The following DDX60L variants were observed in gnomAD, a reference collection of about 807,000 sequenced individuals.
The protein encoded by DDX60L is DExD/H-box 60 like.
DDX60L carries 191 observed loss-of-function variants against 211.6 expected under a neutral mutation model. That is an observed-to-expected ratio of 0.90 (90% CI 0.80 to 1.02). The LOEUF (loss-of-function observed/expected upper bound fraction) is 1.02, where lower values mean the gene tolerates loss of function less well. DDX60L is among the 50% of genes least tolerant of loss of function. The pLI, the probability that DDX60L is intolerant of heterozygous loss-of-function variation, is 0.00. For synonymous variants in DDX60L, 706 were observed against 694.1 expected (o/e 1.02, Z -0.27); for missense variants, 2,007 against 1,984.1 (o/e 1.01, Z -0.22).
intron 22 of DDX60L, 57 bp downstream of exon 22, chr4:168,415,351 C>A: frequency 1.0e-6 from 1 of 999,762 alleles, no homozygotes; most frequent in South Asian, 1.8e-5. Context: ...AGTCCCTTTC[C>A]AGTTGCGATA....
intron 13 of DDX60L, among the ~76,000 whole-genome samples, chr4:168,428,754 A>G (rs1157055740): frequency 6.6e-6 from 1 of 152,212 alleles, no homozygotes; most frequent in Admixed American, 6.5e-5. Context: ...ATGAAGAATG[A>G]TCGCAAAGTA....
At chr4:168,459,712 C>T (rs13103280) in intron 5 of DDX60L, among the ~76,000 whole-genome samples, 43,762 of 146,846 alleles carry the variant, frequency 0.3, 7,980 homozygotes, top group East Asian at 0.62. Context: ...GCCAAGATCA[C>T]GCCACTGCAC....
intron 37 of DDX60L, among the ~76,000 whole-genome samples, chr4:168,359,397 T>C (rs1365780152): frequency 6.6e-6 from 1 of 152,236 alleles, no homozygotes; most frequent in African/African-American, 2.4e-5. Flanking sequence ...ATGTATTCCC[T>C]ACTTTCATTA....
intron 33 of DDX60L, among the ~76,000 whole-genome samples, chr4:168,377,341 A>T (rs997591703): frequency 2.8e-5 from 4 of 143,236 alleles, no homozygotes; most frequent in African/African-American, 1.0e-4. Context: ...TAAATAAATA[A>T]AAATATCTTC....
chr4:168,442,464 T>C (rs964859113), intron 9 of DDX60L, among the ~76,000 whole-genome samples: 2 of 152,142 alleles, frequency 1.3e-5, no homozygotes, highest in South Asian at 4.1e-4. Flanking sequence ...GCGCCCGCCA[T>C]TGCCCAGGCT....
chr4:168,443,857 T>C (rs1319948441), intron 9 of DDX60L, among the ~76,000 whole-genome samples: 1 of 150,890 alleles, frequency 6.6e-6, no homozygotes, highest in African/African-American at 2.4e-5. Context: ...AGGCCTGCCA[T>C]ACAAGAGCTC....
chr4:168,438,376 G>A (rs1753362005), intron 10 of DDX60L, among the ~76,000 whole-genome samples: 1 of 152,082 alleles, frequency 6.6e-6, no homozygotes, highest in Admixed American at 6.6e-5. Flanking sequence ...AACCACCTCA[G>A]GGCCACTTAC....
At chr4:168,359,005 GA>G (rs1413956116) in intron 37 of DDX60L, among the ~76,000 whole-genome samples, 14 of 152,190 alleles carry the variant, frequency 9.2e-5, no homozygotes, top group Middle Eastern at 6.8e-3. Flanking sequence ...CAATTCAGTG[GA>G]AAAAAATTCT....
At chr4:168,468,694 G>A (rs1413945214) in intron 4 of DDX60L, 2 of 152,010 alleles carry the variant, frequency 1.3e-5, no homozygotes, top group Non-Finnish European at 2.9e-5. Context: ...AAATAAGCAT[G>A]TATTTATTCA....
At chr4:168,454,525 T>C (rs1756244311) in intron 7 of DDX60L, among the ~76,000 whole-genome samples, 1 of 152,146 alleles carries the variant, frequency 6.6e-6, no homozygotes, top group Non-Finnish European at 1.5e-5. Context: ...ATGTTACCTA[T>C]TATTAGCTAG....
Position 168,430,559 on chromosome 4 carries a change from T to C in DDX60L, c.1596A>G (p.Glu532=). 2 of 1,608,664 alleles carry C rather than the reference T, an allele frequency of 1.2e-6. No homozygotes were observed. Among genetic ancestry groups the C allele is most frequent in the Non-Finnish European group, 1.7e-6 (2 of 1,177,508 alleles). The change falls in exon 13 of 38, where the codon GAA becomes GAG. Residue 532 remains glutamate (E), a synonymous_variant. Transcript: ENST00000682922. ...DYQQFYGKSL[E]SISTKVIVTQ... The stretch of plus-strand genomic sequence containing the variant: ...TCACAATGACTTTCGTAGAGATTGA[T>C]TCTAACGATTTCCCATAAAATTGCT...
At chr4:168,415,859 G>A in intron 20 of DDX60L, 60 bp from the exon 21 acceptor site, 1 of 1,326,256 alleles carries the variant, frequency 7.5e-7, no homozygotes, top group Non-Finnish European at 9.9e-7. Flanking sequence ...TCAAGAACTT[G>A]GATATTTTAA....
At chr4:168,379,572 A>G in intron 31 of DDX60L, 68 bp from the exon 32 acceptor site, 1 of 1,273,242 alleles carries the variant, frequency 7.9e-7, no homozygotes, top group Non-Finnish European at 1.1e-6. Context: ...TACCAGTGTG[A>G]GTGACTGACA....
At chr4:168,447,523 CATTACTGGGTAT>C (rs1419834164) in intron 9 of DDX60L, among the ~76,000 whole-genome samples, 1 of 152,018 alleles carries the variant, frequency 6.6e-6, no homozygotes, top group East Asian at 1.9e-4. Flanking sequence ...CCAGCCATCC[CATTACTGGGTAT>C]ATACCCAAAG....
intron 14 of DDX60L, among the ~76,000 whole-genome samples, chr4:168,424,334 T>C (rs1298192459): frequency 6.6e-6 from 1 of 152,202 alleles, no homozygotes; most frequent in Non-Finnish European, 1.5e-5. Context: ...AGCCCTTCTA[T>C]TACCTCCTGT....
In DDX60L at chr4:168,375,395, GT is replaced by G; in HGVS notation, c.4614del (p.Gln1538HisfsTer23). The G allele has an allele frequency of 6.2e-7, 1 of 1,612,534 alleles. No individual in the cohort carries two copies. Among genetic ancestry groups the G allele is most frequent in the Non-Finnish European group, 8.5e-7 (1 of 1,179,228 alleles). ...SKSVNMKKEHQLPLSRIKFTG... is the reference protein window; with the variant it reads ...SKSVNMKKEHXLPLSRIKFTG... ...TGCTTACTGATTCTTGACAAAGGGAGTTGATGCTCTTTTTTCATGTTCACCG... is the reference window on the plus strand; with the variant it reads ...TGCTTACTGATTCTTGACAAAGGGAGTGATGCTCTTTTTTCATGTTCACCG... On this transcript the variant is annotated frameshift_variant, in exon 34 of 38. Coordinates refer to ENST00000682922, the MANE Select transcript of DDX60L (RefSeq NM_001012967.3). LOFTEE classifies it high-confidence loss of function.
intron 22 of DDX60L, among the ~76,000 whole-genome samples, chr4:168,412,474 C>T (rs1312330396): frequency 6.6e-6 from 1 of 151,838 alleles, no homozygotes. Flanking sequence ...GGGCCAGGGC[C>T]GCTGGTGGTC....
At chr4:168,448,567 G>A in intron 9 of DDX60L, 71 bp downstream of exon 9, 2 of 1,193,276 alleles carry the variant, frequency 1.7e-6, no homozygotes, top group Non-Finnish European at 2.4e-6. Context: ...GCTGTGGTAT[G>A]TACTGGAAAA....
chr4:168,443,149 C>T (rs202122158), intron 9 of DDX60L, among the ~76,000 whole-genome samples: 75,123 of 150,380 alleles, frequency 0.5, 19,468 homozygotes, highest in East Asian at 0.63. Context: ...GACGAATGTA[C>T]AACTAGAATA....
Sources: gnomAD v4.1 joint callset for allele counts (sites outside exome capture counted in the v4.1 genomes callset) on GRCh38, gnomAD v4.1.1 for gene constraint, MANE v1.5 for transcripts, NCBI Gene and HGNC (gene_info 2026-07-23, HGNC 2026-07-21) for gene names.